ATP9A: variants seen among roughly 807,000 people sequenced by gnomAD.
The protein encoded by ATP9A is ATPase phospholipid transporting 9A.
ATP9A carries 52 observed loss-of-function variants against 144.1 expected under a neutral mutation model. The ratio of observed to expected loss-of-function variants is 0.36; its 90% confidence interval spans 0.29 to 0.45. The LOEUF is 0.45. Among genes scored for constraint, ATP9A ranks in the 20% least tolerant of loss-of-function variants. The pLI is 1.00. For synonymous variants in ATP9A, 582 were observed against 557.4 expected (o/e 1.04, Z -0.62); for missense variants, 947 against 1,392.7 (o/e 0.68, Z 5.09).
At chr20:51,681,924 TG>T (rs1568818294) in intron 9 of ATP9A, among the ~76,000 whole-genome samples, 1 of 152,168 alleles carries the variant, frequency 6.6e-6, no homozygotes, top group Non-Finnish European at 1.5e-5. Context: ...CATTTATTAC[TG>T]AAATGCTAAC....
chr20:51,638,071 TTATATATATATA>T lies in ATP9A; in HGVS notation c.1668+1260_1668+1271del, dbSNP rs56043552. ...CATGGCTAAGTAGCATTTCATCATT[TTATATATATATA>T]TATATATATATATATATATATATAT... On this transcript the variant is annotated intron_variant, in intron 15 of 27. Coordinates refer to ENST00000338821, the MANE Select transcript of ATP9A (RefSeq NM_006045.3). Among the ~76,000 whole-genome samples the T allele has an allele frequency of 4.7e-3, 159 of 34,164 alleles. 1 individual carries two copies. The highest frequency in any genetic ancestry group is 6.3e-3 in the East Asian group (3 of 478). 22.4% of individuals were successfully genotyped at this position (34,164 alleles called of 152,430 possible).
At chr20:51,761,789 G>A (rs933487773) in intron 1 of ATP9A, among the ~76,000 whole-genome samples, 5 of 151,926 alleles carry the variant, frequency 3.3e-5, no homozygotes, top group Non-Finnish European at 7.4e-5. Flanking sequence ...CACAACTTGA[G>A]TGGCTTAAAA....
At chr20:51,664,636 C>G (rs1381782425) in intron 13 of ATP9A, among the ~76,000 whole-genome samples, 1 of 152,032 alleles carries the variant, frequency 6.6e-6, no homozygotes. Context: ...TGAAAAATAG[C>G]ATTTCTCACA....
At chr20:51,759,355 C>A (rs1255743602) in intron 1 of ATP9A, among the ~76,000 whole-genome samples, 1 of 152,216 alleles carries the variant, frequency 6.6e-6, no homozygotes, top group African/African-American at 2.4e-5. Context: ...ACTCCCTCCA[C>A]CACATCAAAG....
At chr20:51,683,717 C>T (rs972298767) in intron 9 of ATP9A, among the ~76,000 whole-genome samples, 48 of 152,112 alleles carry the variant, frequency 3.2e-4, no homozygotes, top group Admixed American at 3.3e-4. Context: ...CACCCAGCCT[C>T]GTTTTACACT....
rs148218725 is a variant in ATP9A at position 51,645,722 on chromosome 20, C to T, written c.1507-6218G>A. ...CCCCAGAGTCCTACTCAGGGAGGAC[C>T]AGTTTAGAAGTGGGGTACTCACTAA... On this transcript the variant is annotated intron_variant, in intron 14 of 27. Transcript: ENST00000338821. 7.7e-3 allele frequency among the ~76,000 whole-genome samples: 1,178 copies of T among 152,228 alleles called. 6 individuals carry two copies. The highest frequency in any genetic ancestry group is 0.01 in the Middle Eastern group (3 of 294).
chr20:51,684,998 G>A (rs1296451962), intron 9 of ATP9A, among the ~76,000 whole-genome samples: 5 of 143,412 alleles, frequency 3.5e-5, no homozygotes, highest in East Asian at 4.1e-4. Context: ...ACCACTGAGC[G>A]AGACTCCATC....
chr20:51,608,620 G>A lies in ATP9A; in HGVS notation c.2643C>T (p.Ser881=). 1 of 1,603,524 alleles carries A rather than the reference G, an allele frequency of 6.2e-7. No individual in the cohort carries two copies. Among genetic ancestry groups the A allele is most frequent in the Non-Finnish European group, 8.5e-7 (1 of 1,170,354 alleles). The stretch of plus-strand genomic sequence containing the variant: ...ACACAGGAAACATGGTGTAAATTGT[G>A]GAGTACCTGGGAGAGAAAACCGCCA... ...LYQGFLIIGY[S]TIYTMFPVFS... The change falls in exon 25 of 28, where the codon TCC becomes TCT. Residue 881 remains serine (S), a synonymous_variant. Transcript: ENST00000338821.
rs1156387164 is a variant in ATP9A at position 51,622,258 on chromosome 20, G to A, written c.2017-86C>T. Reference sequence around the variant, plus strand: ...CAACAGCTGAGTTTCCAACAACATGGAGCTGAACTTGGTATGTTCCGTTTA... The same window carrying A: ...CAACAGCTGAGTTTCCAACAACATGAAGCTGAACTTGGTATGTTCCGTTTA... On this transcript the variant is annotated intron_variant, in intron 18 of 27. Transcript: ENST00000338821. 3 of 1,085,806 alleles carry A rather than the reference G, an allele frequency of 2.8e-6. No individual in the cohort carries two copies. In the African/African-American group the frequency reaches 4.6e-5, roughly 17 times the overall value. 67.3% of individuals were successfully genotyped at this position (1,085,806 alleles called of 1,614,324 possible).
chr20:51,684,589 G>C (rs2077514119), intron 9 of ATP9A, among the ~76,000 whole-genome samples: 1 of 151,754 alleles, frequency 6.6e-6, no homozygotes, highest in South Asian at 2.1e-4. Flanking sequence ...CCAGCCACTG[G>C]GGAGGCTGAG....
chr20:51,708,589 G>T (rs1255288889), intron 4 of ATP9A, among the ~76,000 whole-genome samples: 1 of 152,092 alleles, frequency 6.6e-6, no homozygotes, highest in Non-Finnish European at 1.5e-5. Flanking sequence ...ACAAAAATTA[G>T]CCAGGCATGG....
chr20:51,725,327 G>C (rs913482999), intron 3 of ATP9A, among the ~76,000 whole-genome samples: 4 of 151,980 alleles, frequency 2.6e-5, no homozygotes, highest in African/African-American at 9.7e-5. Context: ...TCACCATGTT[G>C]CCCAGGCTGG....
intron 3 of ATP9A, among the ~76,000 whole-genome samples, chr20:51,723,285 A>G (rs1196102102): frequency 6.6e-6 from 1 of 152,136 alleles, no homozygotes; most frequent in African/African-American, 2.4e-5. Flanking sequence ...ATAAAACATA[A>G]CAAATAGGGT....
At position 51,601,220 on chromosome 20, in the gene ATP9A, G is replaced by T; in HGVS notation, c.3135C>A (p.Leu1045=). The T allele has an allele frequency of 6.2e-7, 1 of 1,612,580 alleles. No individual in the cohort carries two copies. The highest frequency in any genetic ancestry group is 8.5e-7 in the Non-Finnish European group (1 of 1,179,206). Residue 1045 remains leucine (L), a synonymous_variant, in exon 28 of 28, where the codon CTC becomes CTA. Coordinates refer to ENST00000338821, the MANE Select transcript of ATP9A (RefSeq NM_006045.3). ...CCAGCGAACGCACGGCCTATGATGT[G>T]AGCTTTGAGTAGCTGGGGGGAGAGA... is the stretch of plus-strand genomic sequence containing the variant. ...RRFSPPSYSK[L]TS is the part of the protein sequence containing the mutation.
intron 15 of ATP9A, among the ~76,000 whole-genome samples, chr20:51,629,530 A>G (rs1447860359): frequency 2.0e-5 from 3 of 152,176 alleles, no homozygotes; most frequent in African/African-American, 7.2e-5. Context: ...GCACTGTACA[A>G]TGTTGAGCAG....
At chr20:51,605,062 G>C (rs759509917) in intron 26 of ATP9A, 42 bp from the exon 27 acceptor site, 3 of 1,516,510 alleles carry the variant, frequency 2.0e-6, no homozygotes, top group Non-Finnish European at 2.7e-6. Flanking sequence ...CCCTCCCTGC[G>C]AAAGCCGTGC....
intron 12 of ATP9A, among the ~76,000 whole-genome samples, chr20:51,670,806 C>G (rs1421385384): frequency 6.6e-6 from 1 of 152,140 alleles, no homozygotes; most frequent in Admixed American, 6.5e-5. Flanking sequence ...GCGCCCGTGA[C>G]AAGTCACTTA....
At chr20:51,676,917 CTTTTTTTTT>C (rs34062000) in intron 9 of ATP9A, among the ~76,000 whole-genome samples, 127 of 68,428 alleles carry the variant, frequency 1.9e-3, no homozygotes, top group African/African-American at 6.6e-3. Context: ...CGCCCAGTCT[CTTTTTTTTT>C]TTTTTTTTTT....
intron 19 of ATP9A, 132 bp from the exon 20 acceptor site, chr20:51,619,175 A>T: frequency 1.4e-6 from 1 of 690,400 alleles, no homozygotes; most frequent in Non-Finnish European, 2.5e-6. Flanking sequence ...CCCTGCCACC[A>T]GAGGCAGCAC....
Sources: allele counts gnomAD v4.1 joint callset (sites outside exome capture counted in the v4.1 genomes callset), GRCh38; gene constraint gnomAD v4.1.1; transcripts MANE v1.5; gene names NCBI Gene and HGNC (gene_info 2026-07-23, HGNC 2026-07-21).